The following TRPM3 variants were observed in gnomAD, a reference collection of about 807,000 sequenced individuals.
TRPM3 encodes long transient receptor potential channel 3.
In TRPM3, 77 loss-of-function variants were observed where a neutral mutation model predicts 181.2. The ratio of observed to expected loss-of-function variants is 0.42; its 90% confidence interval spans 0.35 to 0.51. TRPM3 has a LOEUF of 0.51. Ranked by LOEUF, TRPM3 falls within the 20% of genes least tolerant of loss-of-function variation. The pLI is 0.01. For missense variants in TRPM3, 1,759 were observed against 2,196.7 expected, an observed-to-expected ratio of 0.80 and a Z score of 3.98; for synonymous variants, 745 against 796.4, an observed-to-expected ratio of 0.94 and a Z score of 1.09.
At chr9:70,697,800 T>G (rs952243691) in intron 8 of TRPM3, among the ~76,000 whole-genome samples, 5 of 152,200 alleles carry the variant, frequency 3.3e-5, no homozygotes, top group African/African-American at 4.8e-5. Context: ...GGTATATGGT[T>G]CTCCAGCAAA....
chr9:71,446,746 G>A (rs1166126247), exon 1 of TRPM3: 9 of 1,550,538 alleles, frequency 5.8e-6, no homozygotes, highest in African/African-American at 1.4e-5. Flanking sequence ...CCCGGCTGGC[G>A]CTCCGGCTGC....
intron 9 of TRPM3, among the ~76,000 whole-genome samples, chr9:70,649,582 A>C (rs1327382953): frequency 1.3e-5 from 2 of 152,146 alleles, no homozygotes; most frequent in African/African-American, 4.8e-5. Flanking sequence ...GCAAATCAAA[A>C]CCAAAATGAG....
At chr9:70,872,086 G>T (rs2095798777) in intron 1 of TRPM3, among the ~76,000 whole-genome samples, 1 of 151,994 alleles carries the variant, frequency 6.6e-6, no homozygotes, top group Non-Finnish European at 1.5e-5. Context: ...ATGATATAAA[G>T]TAGTGGTTAG....
intron 1 of TRPM3, among the ~76,000 whole-genome samples, chr9:71,173,920 T>C (rs2076985094): frequency 6.6e-6 from 1 of 152,176 alleles, no homozygotes; most frequent in Non-Finnish European, 1.5e-5. Context: ...GCATTATAAA[T>C]TGCTAAAAAT....
chr9:71,250,183 T>G (rs1425019439), intron 1 of TRPM3, among the ~76,000 whole-genome samples: 1 of 152,140 alleles, frequency 6.6e-6, no homozygotes, highest in Non-Finnish European at 1.5e-5. Context: ...TTTAGGGAAC[T>G]TTTTTTCATA....
At chr9:70,580,244 A>G (rs965294506) in intron 22 of TRPM3, among the ~76,000 whole-genome samples, 23 of 152,184 alleles carry the variant, frequency 1.5e-4, no homozygotes, top group Admixed American at 7.2e-4. Context: ...TATGCATCCC[A>G]TAAACTGAAG....
At chr9:70,802,754 C>T (rs1057206102) in intron 6 of TRPM3, among the ~76,000 whole-genome samples, 5 of 152,042 alleles carry the variant, frequency 3.3e-5, no homozygotes, top group South Asian at 2.1e-4. Context: ...AAACATGCTA[C>T]GATTCGACCC....
intron 1 of TRPM3, among the ~76,000 whole-genome samples, chr9:71,380,921 G>A (rs886332137): frequency 6.2e-5 from 9 of 144,728 alleles, no homozygotes; most frequent in Non-Finnish European, 1.4e-4. Context: ...AGTAGGGGAT[G>A]ACAAAATGAA....
chr9:70,675,514 TTGTCTGAAG>T (rs1590158933), intron 9 of TRPM3, among the ~76,000 whole-genome samples: 1 of 152,230 alleles, frequency 6.6e-6, no homozygotes, highest in East Asian at 1.9e-4. Flanking sequence ...AGCATTAATT[TTGTCTGAAG>T]ATCAGAAACA....
rs2095254495 is a variant in TRPM3 at position 70,852,150 on chromosome 9, AAAAAAG to A, written c.463-5565_463-5560del. ...CTCCAAAAAAAAAAAAAAAAAAAAAAAAAAAGAGAGAAAAAAAATCCCAAAAAACAA... is the reference window on the plus strand; with the variant it reads ...CTCCAAAAAAAAAAAAAAAAAAAAAAAGAGAAAAAAAATCCCAAAAAACAA... On this transcript the variant is annotated intron_variant, in intron 3 of 25. Transcript: ENST00000677713. Among the ~76,000 whole-genome samples the A allele has an allele frequency of 2.7e-5, 4 of 150,684 alleles. 1 individual carries two copies. The South Asian group carries it at 8.4e-4, about 31-fold the overall frequency.
At chr9:70,761,165 G>A (rs1031706251) in intron 8 of TRPM3, 30 of 381,800 alleles carry the variant, frequency 7.9e-5, no homozygotes, top group South Asian at 1.4e-4. Flanking sequence ...ATGTTTCTCC[G>A]TTTTCTACCT....
intron 1 of TRPM3, among the ~76,000 whole-genome samples, chr9:70,921,802 G>A (rs1056255197): frequency 6.6e-6 from 1 of 152,110 alleles, no homozygotes; most frequent in Non-Finnish European, 1.5e-5. Flanking sequence ...TCAGGGAACA[G>A]AGAGCGGCCT....
At chr9:70,586,439 C>G (rs2057147552) in intron 22 of TRPM3, among the ~76,000 whole-genome samples, 1 of 152,156 alleles carries the variant, frequency 6.6e-6, no homozygotes, top group Non-Finnish European at 1.5e-5. Flanking sequence ...ATCCATTAAG[C>G]CTCAGTTTGT....
chr9:70,786,825 C>T (rs1010106434), intron 6 of TRPM3, among the ~76,000 whole-genome samples: 3 of 151,934 alleles, frequency 2.0e-5, no homozygotes, highest in Non-Finnish European at 4.4e-5. Context: ...ATATTTAGAC[C>T]CCTTCTAGGA....
intron 1 of TRPM3, among the ~76,000 whole-genome samples, chr9:70,932,459 T>C (rs2096785019): frequency 1.3e-5 from 2 of 152,112 alleles, no homozygotes; most frequent in Non-Finnish European, 2.9e-5. Context: ...GAGCTTAAGA[T>C]CTCATGATGG....
At chr9:70,969,350 C>T (rs2133901783) in intron 1 of TRPM3, among the ~76,000 whole-genome samples, 1 of 151,970 alleles carries the variant, frequency 6.6e-6, no homozygotes, top group Non-Finnish European at 1.5e-5. Flanking sequence ...GTACAGCAAA[C>T]CACCATGTCA....
chr9:70,750,821 C>T (rs571394348), intron 8 of TRPM3, among the ~76,000 whole-genome samples: 9 of 152,174 alleles, frequency 5.9e-5, no homozygotes, highest in Non-Finnish European at 1.2e-4. Flanking sequence ...ACATGTAGAA[C>T]TTGAAGTAAT....
chr9:71,349,968 CATATATATATATATATATAT>C lies in TRPM3; in HGVS notation c.183+96665_183+96684del, dbSNP rs758622802. On this transcript the variant is annotated intron_variant, in intron 1 of 24. Coordinates refer to the TRPM3 transcript ENST00000357533. ...CATAATAATGATCTCATTGTAAGTGCATATATATATATATATATATATATATATATATATGGGCCTAAAAA... is the reference window on the plus strand; with the variant it reads ...CATAATAATGATCTCATTGTAAGTGCATATATATATATATGGGCCTAAAAA... Among the ~76,000 whole-genome samples, 349 of 67,936 alleles carry C rather than the reference CATATATATATATATATATAT, an allele frequency of 5.1e-3. 4 individuals are homozygous for C. The highest frequency in any genetic ancestry group is 0.016 in the African/African-American group (323 of 19,742). 44.6% of individuals were successfully genotyped at this position (67,936 alleles called of 152,430 possible). A position where few individuals can be genotyped will look rare whatever the true frequency, so the allele number is the denominator to read the frequency against.
At chr9:70,638,939 T>C in intron 11 of TRPM3, 121 bp downstream of exon 11, 1 of 1,140,602 alleles carries the variant, frequency 8.8e-7, no homozygotes, top group Middle Eastern at 2.0e-4. Flanking sequence ...GGAGTATTTG[T>C]GATGAATGAA....
Sources: gnomAD v4.1 joint callset for allele counts (sites outside exome capture counted in the v4.1 genomes callset) on GRCh38, gnomAD v4.1.1 for gene constraint, MANE v1.5 for transcripts, NCBI Gene and HGNC (gene_info 2026-07-23, HGNC 2026-07-21) for gene names.